Variants in RYR2 observed in about 807,000 individuals in gnomAD.
The protein encoded by RYR2 is ryanodine receptor 2.
In RYR2, 227 loss-of-function variants were observed where a neutral mutation model predicts 601.1. That is an observed-to-expected ratio of 0.38 (90% CI 0.34 to 0.42). The LOEUF (loss-of-function observed/expected upper bound fraction) is 0.42. Ranked by LOEUF, RYR2 falls within the 10% of genes least tolerant of loss-of-function variation. The pLI is 1.00. For missense variants in RYR2, 4,646 were observed against 6,156.5 expected (o/e 0.75, Z 8.21); for synonymous variants, 2,223 against 2,175.1 (o/e 1.02, Z -0.61).
chr1:237,680,148 A>G (rs1685741889), intron 61 of RYR2, among the ~76,000 whole-genome samples: 1 of 152,150 alleles, frequency 6.6e-6, no homozygotes, highest in Non-Finnish European at 1.5e-5. Flanking sequence ...GTAGTTATGG[A>G]TTATTTTGGG....
chr1:237,273,793 T>G (rs1310085650), intron 2 of RYR2, among the ~76,000 whole-genome samples: 2 of 150,464 alleles, frequency 1.3e-5, no homozygotes, highest in Non-Finnish European at 3.0e-5. Context: ...TATTTAAAAA[T>G]ATGAGTGTTA....
chr1:237,700,870 G>A (rs775210337), intron 65 of RYR2, among the ~76,000 whole-genome samples: 2 of 152,202 alleles, frequency 1.3e-5, no homozygotes, highest in Non-Finnish European at 2.9e-5. Context: ...ATGTAATAAT[G>A]TGAAGACGAC....
chr1:237,470,089 T>A (rs1660542232), intron 17 of RYR2, among the ~76,000 whole-genome samples: 1 of 152,232 alleles, frequency 6.6e-6, no homozygotes, highest in Admixed American at 6.5e-5. Context: ...TGCCTTTCTT[T>A]ATCACTAATG....
intron 1 of RYR2, among the ~76,000 whole-genome samples, chr1:237,230,012 A>G (rs1024839803): frequency 1.3e-5 from 2 of 152,202 alleles, no homozygotes; most frequent in African/African-American, 4.8e-5. Flanking sequence ...TGCTTCCACA[A>G]TGCAATCTAG....
Position 237,784,803 on chromosome 1 carries a change from C to G in RYR2, c.13091C>G (p.Thr4364Ser). 1 of 1,611,942 alleles carries G rather than the reference C, an allele frequency of 6.2e-7. No homozygotes were observed. Residue 4364 changes from threonine (T) to serine (S), a missense_variant, in exon 90 of 105, where the codon ACC becomes AGC. By Grantham distance (58) the Thr-to-Ser change is moderately conservative. Around this residue, in one of 17 missense-constraint regions of RYR2, gnomAD observed 364 missense variants for 442.9 expected, o/e 0.82. Transcript: ENST00000366574. This position sits in a 1 kb window ranked among gnomAD's most constrained non-coding sequence, Gnocchi z 7.1. ...GCCGCCCTGCCCTCCGAGGATCTGA[C>G]CGACTTAAAGGAGCTGACAGAGGAA... is the stretch of plus-strand genomic sequence containing the variant. ...LEAALPSEDL[T>S]DLKELTEESD...
At chr1:237,260,622 C>T (rs1688419283) in intron 1 of RYR2, among the ~76,000 whole-genome samples, 2 of 152,134 alleles carry the variant, frequency 1.3e-5, no homozygotes, top group Non-Finnish European at 2.9e-5. Flanking sequence ...CGCTTAAGTC[C>T]AGGAGTTCTA....
rs188044860 is a variant in RYR2 at position 237,687,327 on chromosome 1, G to A, written c.9018-128G>A. 1.9e-4 allele frequency: 117 copies of A among 631,942 alleles called. 1 individual carries two copies. Among genetic ancestry groups the A allele is most frequent in the African/African-American group, 1.4e-3 (75 of 52,254 alleles). The allele number at this position is 631,942 out of a possible 1,614,324, so 39.1% of individuals were successfully genotyped here. ...GCGTGACATCATGTTGCTTTTTTCC[G>A]GCTCATATATCAGCTGTTTTTTTTT... On this transcript the variant is annotated intron_variant, in intron 62 of 104. Coordinates refer to ENST00000366574, the MANE Select transcript of RYR2 (RefSeq NM_001035.3).
chr1:237,437,254 G>A (rs763106008), intron 12 of RYR2, among the ~76,000 whole-genome samples: 19 of 151,900 alleles, frequency 1.3e-4, no homozygotes, highest in South Asian at 2.1e-4. Context: ...GGGTTTCACC[G>A]TGTTAGCCAG....
chr1:237,647,328 G>A (rs1452783043), intron 48 of RYR2, among the ~76,000 whole-genome samples: 1 of 152,156 alleles, frequency 6.6e-6, no homozygotes, highest in Non-Finnish European at 1.5e-5. Context: ...TCACAGTTGG[G>A]TTGTGGGAAT....
intron 2 of RYR2, among the ~76,000 whole-genome samples, chr1:237,270,858 T>C (rs1689616019): frequency 6.6e-6 from 1 of 152,140 alleles, no homozygotes; most frequent in Non-Finnish European, 1.5e-5. Context: ...TATATTCTAG[T>C]AGAAAAGCAA....
intron 58 of RYR2, among the ~76,000 whole-genome samples, chr1:237,669,837 C>T (rs1684736250): frequency 1.3e-5 from 2 of 148,528 alleles, no homozygotes; most frequent in African/African-American, 2.5e-5. Flanking sequence ...TCCTCACATC[C>T]CAGATGATGG....
chr1:237,663,906 C>T (rs1415719911), intron 56 of RYR2, among the ~76,000 whole-genome samples: 1 of 152,064 alleles, frequency 6.6e-6, no homozygotes, highest in Non-Finnish European at 1.5e-5. Context: ...ATCAACTTGA[C>T]AGAATATACA....
intron 1 of RYR2, among the ~76,000 whole-genome samples, chr1:237,086,631 T>C (rs936128772): frequency 6.6e-6 from 1 of 152,140 alleles, no homozygotes. Context: ...GCTTAACTAA[T>C]CCAAGCCAGG....
intron 76 of RYR2, among the ~76,000 whole-genome samples, chr1:237,728,090 G>A (rs1193660024): frequency 6.6e-6 from 1 of 152,034 alleles, no homozygotes; most frequent in African/African-American, 2.4e-5. Context: ...CAGACTTTGA[G>A]ATCCTGTACT....
chr1:237,203,628 A>G (rs1681443633), intron 1 of RYR2, among the ~76,000 whole-genome samples: 1 of 152,212 alleles, frequency 6.6e-6, no homozygotes, highest in African/African-American at 2.4e-5. Context: ...CCAGGTAAAT[A>G]GGTGGTTTGA....
At position 237,618,591 on chromosome 1, in the gene RYR2, G is replaced by A. The variant is rs533016765; in HGVS notation, c.5916+1105G>A. On this transcript the variant is annotated intron_variant, in intron 38 of 104. Coordinates refer to ENST00000366574, the MANE Select transcript of RYR2 (RefSeq NM_001035.3). The stretch of plus-strand genomic sequence containing the variant: ...CCAATGGGCATAGACAAGAAAAGCT[G>A]CAACAAAAGCCTCCTCTTTCTAGAT... Among the ~76,000 whole-genome samples the A allele has an allele frequency of 3.9e-5, 6 of 152,268 alleles. No homozygotes were observed. In the South Asian group the frequency reaches 6.2e-4, roughly 16 times the overall value.
At chr1:237,518,046 T>TC (rs895989562) in intron 24 of RYR2, among the ~76,000 whole-genome samples, 46 of 152,282 alleles carry the variant, frequency 3.0e-4, no homozygotes, top group African/African-American at 1.1e-3. Context: ...TCCCTTCCCT[T>TC]CACCCATGGC....
rs147329760 is a variant in RYR2 at position 237,592,768 on chromosome 1, C to T, written c.4276-708C>T. Among the ~76,000 whole-genome samples the T allele has an allele frequency of 1.2e-4, 19 of 152,176 alleles. No individual in the cohort carries two copies. In the East Asian group the frequency reaches 3.7e-3, roughly 29 times the overall value. On this transcript the variant is annotated intron_variant, in intron 32 of 104. Coordinates refer to ENST00000366574, the MANE Select transcript of RYR2 (RefSeq NM_001035.3). ...AGGTGCGGTGACTCGCGCCTGTAAT[C>T]CCAGAACTTTGGGAGGCTGAGGCAG...
chr1:237,168,215 T>A (rs1676931745), intron 1 of RYR2, among the ~76,000 whole-genome samples: 1 of 152,120 alleles, frequency 6.6e-6, no homozygotes, highest in African/African-American at 2.4e-5. Context: ...CTTCATTCCA[T>A]GTCAGTGTCC....
Sources: allele counts gnomAD v4.1 joint callset (sites outside exome capture counted in the v4.1 genomes callset), GRCh38; gene constraint gnomAD v4.1.1; regional missense constraint gnomAD v4.1.1; non-coding constraint Gnocchi (gnomAD v3.1); transcripts MANE v1.5; gene names NCBI Gene and HGNC (gene_info 2026-07-23, HGNC 2026-07-21).